Variants in ADCY7 observed in about 807,000 individuals in gnomAD.
The protein encoded by ADCY7 is adenylate cyclase type 7.
ADCY7 carries 72 observed loss-of-function variants against 120.6 expected under a neutral mutation model. The ratio of observed to expected loss-of-function variants is 0.60; its 90% confidence interval spans 0.49 to 0.73. The LOEUF is 0.73. ADCY7 is among the 30% of genes least tolerant of loss of function. ADCY7 has a pLI of 0.00. For missense variants in ADCY7, 1,227 were observed against 1,486.0 expected, an observed-to-expected ratio of 0.83 and a Z score of 2.87; for synonymous variants, 661 against 628.0, an observed-to-expected ratio of 1.05 and a Z score of -0.78.
At chr16:50,305,174 T>C (rs368589489) in intron 12 of ADCY7, among the ~76,000 whole-genome samples, 2 of 152,188 alleles carry the variant, frequency 1.3e-5, no homozygotes, top group East Asian at 1.9e-4. Flanking sequence ...TGTTGTATGG[T>C]GCCCTGGCGG....
At chr16:50,301,892 C>A (rs2035745736) in intron 10 of ADCY7, 1 of 152,906 alleles carries the variant, frequency 6.5e-6, no homozygotes, top group Non-Finnish European at 1.5e-5. Context: ...TGGGGCTGGC[C>A]CGACTGCCAG....
chr16:50,258,343 C>G (rs1216728498), intron 1 of ADCY7, among the ~76,000 whole-genome samples: 1 of 152,162 alleles, frequency 6.6e-6, no homozygotes, highest in Non-Finnish European at 1.5e-5. Flanking sequence ...TCTCTGTCTT[C>G]CATGTGGTGT....
In ADCY7 at chr16:50,300,824, T is replaced by C. The variant is rs1421336344; in HGVS notation, c.1186T>C (p.Ser396Pro). 3 of 1,557,464 alleles carry C rather than the reference T, an allele frequency of 1.9e-6. No homozygotes were observed. The highest frequency in any genetic ancestry group is 1.7e-6 in the Non-Finnish European group (2 of 1,150,406). ...GCGCAAGTGGCAGTATGACGTGTGG[T>C]CCCACGACGTGTCCCTGGCCAACCG... ...GLRKWQYDVW[S>P]HDVSLANRME... Residue 396 changes from serine (S) to proline (P), a missense_variant, in exon 9 of 26, where the codon TCC becomes CCC. Transcript: ENST00000673801.
intron 23 of ADCY7, 98 bp downstream of exon 23, chr16:50,314,160 A>AG: frequency 7.1e-7 from 1 of 1,406,666 alleles, no homozygotes; most frequent in Non-Finnish European, 9.9e-7. Flanking sequence ...GTCCTGGGGG[A>AG]GGGGCACAGG....
At chr16:50,287,724 T>C (rs372937645) in intron 1 of ADCY7, among the ~76,000 whole-genome samples, 188 bp from the exon 2 acceptor site, 53 of 149,384 alleles carry the variant, frequency 3.5e-4, no homozygotes, top group African/African-American at 1.1e-3. Flanking sequence ...GTGGCTACTA[T>C]CTTGGACAGT....
intron 1 of ADCY7, among the ~76,000 whole-genome samples, chr16:50,251,095 C>T (rs1041311842): frequency 1.3e-5 from 2 of 151,936 alleles, no homozygotes; most frequent in African/African-American, 4.8e-5. Context: ...AAAAAAATTG[C>T]CAGGTGTGGT....
At chr16:50,271,813 G>C (rs2033591591) in intron 1 of ADCY7, among the ~76,000 whole-genome samples, 1 of 152,168 alleles carries the variant, frequency 6.6e-6, no homozygotes, top group African/African-American at 2.4e-5. Flanking sequence ...AGCATGGGGA[G>C]AAGAGGGGAC....
At chr16:50,311,584 A>C in intron 19 of ADCY7, 109 bp from the exon 20 acceptor site, 1 of 744,224 alleles carries the variant, frequency 1.3e-6, no homozygotes, top group Non-Finnish European at 2.4e-6. Flanking sequence ...CCACCCCATT[A>C]GAATCAATTT....
chr16:50,257,643 G>A (rs1176163126), intron 1 of ADCY7, among the ~76,000 whole-genome samples: 1 of 151,458 alleles, frequency 6.6e-6, no homozygotes, highest in Non-Finnish European at 1.5e-5. Context: ...CTAAACATTA[G>A]CAGTAATTCT....
chr16:50,312,757 A>G, intron 21 of ADCY7, 133 bp from the exon 22 acceptor site: 8 of 497,532 alleles, frequency 1.6e-5, no homozygotes, highest in Non-Finnish European at 2.5e-5. Context: ...AAACTCATGC[A>G]GCCCGCCCCC....
At chr16:50,257,578 T>C (rs1359576624) in intron 1 of ADCY7, among the ~76,000 whole-genome samples, 1 of 152,132 alleles carries the variant, frequency 6.6e-6, no homozygotes, top group Non-Finnish European at 1.5e-5. Context: ...TATACAATTA[T>C]AACTGATCAA....
rs751740292 is a variant in ADCY7 at position 50,290,609 on chromosome 16, C to T, written c.324C>T (p.Gly108=). The stretch of plus-strand genomic sequence containing the variant: ...CCTGGGCCTGCTTGGTGGCGCTGGG[C>T]TATGTGCTGGTGTTCGACGCATGGA... ...LLTWACLVAL[G]YVLVFDAWTK... The change falls in exon 3 of 26, where the codon GGC becomes GGT. Residue 108 remains glycine (G), a synonymous_variant. Coordinates refer to ENST00000673801, the MANE Select transcript of ADCY7 (RefSeq NM_001114.5). 1.2e-6 allele frequency: 2 copies of T among 1,614,128 alleles called. No homozygotes were observed. Among genetic ancestry groups the T allele is most frequent in the South Asian group, 1.1e-5 (1 of 91,072 alleles).
intron 1 of ADCY7, among the ~76,000 whole-genome samples, chr16:50,249,836 A>T (rs527874140): frequency 1.3e-5 from 2 of 152,356 alleles, no homozygotes; most frequent in African/African-American, 4.8e-5. Context: ...CCATGTGTGC[A>T]CAGGAGGGTG....
intron 1 of ADCY7, among the ~76,000 whole-genome samples, chr16:50,251,081 G>GAAA (rs1171339576): frequency 6.7e-6 from 1 of 148,430 alleles, no homozygotes; most frequent in Non-Finnish European, 1.5e-5. Context: ...CCCAAAAAAA[G>GAAA]AAAAAAAAAA....
chr16:50,268,275 T>A (rs1027283463), intron 1 of ADCY7, among the ~76,000 whole-genome samples: 1 of 152,086 alleles, frequency 6.6e-6, no homozygotes, highest in Non-Finnish European at 1.5e-5. Context: ...AATTTTTGTA[T>A]TTTTAGTAAA....
At chr16:50,269,850 A>G (rs28455629) in intron 1 of ADCY7, among the ~76,000 whole-genome samples, 4,568 of 152,188 alleles carry the variant, frequency 0.03, 232 homozygotes, top group African/African-American at 0.11. Flanking sequence ...AGAGCAGCCC[A>G]TTCTAGCCTT....
At chr16:50,310,277 G>A (rs2036366576) in intron 18 of ADCY7, among the ~76,000 whole-genome samples, 1 of 152,282 alleles carries the variant, frequency 6.6e-6, no homozygotes, top group Admixed American at 6.5e-5. Context: ...ACTGGGAGGT[G>A]CAGGAATGCC....
At chr16:50,284,400 G>T (rs1022993076) in intron 1 of ADCY7, among the ~76,000 whole-genome samples, 6 of 152,248 alleles carry the variant, frequency 3.9e-5, no homozygotes, top group Non-Finnish European at 8.8e-5. Context: ...GGGCCCTTGG[G>T]ACTCTCTCAG....
intron 8 of ADCY7, among the ~76,000 whole-genome samples, chr16:50,299,950 C>T (rs948584018): frequency 2.8e-4 from 42 of 152,264 alleles, no homozygotes; most frequent in African/African-American, 8.2e-4. Flanking sequence ...GTGGTGCTAA[C>T]AACTCCCAGG....
Sources: gnomAD v4.1 joint callset for allele counts (sites outside exome capture counted in the v4.1 genomes callset) on GRCh38, gnomAD v4.1.1 for gene constraint, MANE v1.5 for transcripts, NCBI Gene and HGNC (gene_info 2026-07-23, HGNC 2026-07-21) for gene names.